Variants in NRXN3 observed in about 807,000 individuals in gnomAD.
NRXN3 encodes neurexin 3.
A neutral mutation model predicts 137.6 loss-of-function variants in NRXN3; 32 were observed. The observed-to-expected ratio is 0.23, with a 90% CI of 0.18 to 0.31. The LOEUF (loss-of-function observed/expected upper bound fraction) is 0.31, where lower values mean the gene tolerates loss of function less well. Ranked by LOEUF, NRXN3 falls within the 10% of genes least tolerant of loss-of-function variation. NRXN3 has a pLI of 1.00. For synonymous variants in NRXN3, 798 were observed against 784.5 expected, an observed-to-expected ratio of 1.02 and a Z score of -0.29; for missense variants, 1,574 against 2,062.5, an observed-to-expected ratio of 0.76 and a Z score of 4.59.
intron 8 of NRXN3, among the ~76,000 whole-genome samples, chr14:78,770,798 C>G (rs2098724723): frequency 6.6e-6 from 1 of 151,864 alleles, no homozygotes; most frequent in Non-Finnish European, 1.5e-5. Context: ...ATGATGGATA[C>G]AGGGGGATTA....
At chr14:79,330,129 C>T (rs2091470711) in intron 15 of NRXN3, among the ~76,000 whole-genome samples, 1 of 151,940 alleles carries the variant, frequency 6.6e-6, no homozygotes, top group Admixed American at 6.6e-5. Context: ...CGTGCCTCGC[C>T]CATCAAAAGA....
At chr14:78,287,458 T>C (rs886556296) in intron 3 of NRXN3, among the ~76,000 whole-genome samples, 13 of 152,240 alleles carry the variant, frequency 8.5e-5, no homozygotes, top group African/African-American at 2.7e-4. Flanking sequence ...TAGGTGCTCA[T>C]AAACCTGTGG....
At chr14:78,943,621 AATATATATATATATATAT>A (rs60429358) in intron 10 of NRXN3, among the ~76,000 whole-genome samples, 146 of 27,870 alleles carry the variant, frequency 5.2e-3, no homozygotes, top group East Asian at 7.7e-3. Context: ...AAAAAAAAAA[AATATATATATATATATAT>A]ATATATATAT....
intron 10 of NRXN3, among the ~76,000 whole-genome samples, chr14:78,846,082 A>C (rs750846042): frequency 6.6e-6 from 1 of 152,098 alleles, no homozygotes; most frequent in African/African-American, 2.4e-5. Context: ...CTTCAAGAAC[A>C]TCTGCTTCAG....
intron 6 of NRXN3, among the ~76,000 whole-genome samples, chr14:78,661,726 A>G (rs1052176991): frequency 1.3e-5 from 2 of 152,268 alleles, no homozygotes; most frequent in African/African-American, 4.8e-5. Context: ...CTCTACTCCC[A>G]GTAGCTGTAT....
intron 15 of NRXN3, among the ~76,000 whole-genome samples, chr14:79,418,904 C>A (rs906513117): frequency 6.6e-6 from 1 of 152,076 alleles, no homozygotes; most frequent in Non-Finnish European, 1.5e-5. Context: ...TTCACACTGC[C>A]GTCTGGGAAT....
chr14:78,585,029 G>A (rs1417087630), intron 4 of NRXN3, among the ~76,000 whole-genome samples: 1 of 151,786 alleles, frequency 6.6e-6, no homozygotes, highest in Non-Finnish European at 1.5e-5. Flanking sequence ...AGTTCTCATG[G>A]GGTTGATTTC....
chr14:78,233,875 A>G (rs186963160), intron 1 of NRXN3, among the ~76,000 whole-genome samples: 6 of 152,112 alleles, frequency 3.9e-5, no homozygotes, highest in Admixed American at 6.5e-5. Context: ...TACCCAGCCT[A>G]TTCTCCCTAA....
intron 6 of NRXN3, among the ~76,000 whole-genome samples, chr14:78,688,952 T>C (rs1429480714): frequency 6.6e-6 from 1 of 151,790 alleles, no homozygotes; most frequent in Admixed American, 6.6e-5. Flanking sequence ...TTGCAAGAGG[T>C]TTTTCTTCAC....
At chr14:79,496,228 C>T (rs925903399) in intron 16 of NRXN3, among the ~76,000 whole-genome samples, 4 of 144,460 alleles carry the variant, frequency 2.8e-5, no homozygotes, top group Non-Finnish European at 5.9e-5. Context: ...CTCTCTCTCT[C>T]TCTCTCTCTC....
chr14:78,871,842 G>T (rs545528012), intron 10 of NRXN3, among the ~76,000 whole-genome samples: 1 of 151,982 alleles, frequency 6.6e-6, no homozygotes, highest in Non-Finnish European at 1.5e-5. Context: ...TTTACCTGTT[G>T]TCCTTTGGCT....
chr14:79,179,407 A>G (rs2062688325), intron 15 of NRXN3, among the ~76,000 whole-genome samples: 1 of 152,156 alleles, frequency 6.6e-6, no homozygotes, highest in African/African-American at 2.4e-5. Context: ...ACTTGGAAAG[A>G]TATTATCATT....
intron 1 of NRXN3, among the ~76,000 whole-genome samples, chr14:78,223,641 A>C (rs1201947799): frequency 6.6e-6 from 1 of 152,148 alleles, no homozygotes; most frequent in Non-Finnish European, 1.5e-5. Context: ...TTGGTCCACT[A>C]TCCCCAGAGC....
intron 1 of NRXN3, among the ~76,000 whole-genome samples, chr14:78,201,950 G>A (rs369273032): frequency 4.7e-4 from 71 of 152,388 alleles, no homozygotes; most frequent in African/African-American, 1.5e-3. Flanking sequence ...CGCCAGGGCG[G>A]AAATTGGCTA....
At chr14:79,081,219 A>C (rs1488850360) in intron 15 of NRXN3, among the ~76,000 whole-genome samples, 1 of 152,226 alleles carries the variant, frequency 6.6e-6, no homozygotes, top group Non-Finnish European at 1.5e-5. Flanking sequence ...TACTAAAACC[A>C]AATGAATGAC....
intron 19 of NRXN3, among the ~76,000 whole-genome samples, chr14:79,761,684 CAAAAAAAAA>C (rs10599873): frequency 1.3e-5 from 1 of 78,906 alleles, no homozygotes; most frequent in Non-Finnish European, 2.4e-5. Flanking sequence ...GACTCTGTCT[CAAAAAAAAA>C]AAAAAAAAAA....
At chr14:79,376,265 T>TATAC (rs1566950685) in intron 15 of NRXN3, among the ~76,000 whole-genome samples, 22 of 72,670 alleles carry the variant, frequency 3.0e-4, no homozygotes, top group African/African-American at 7.0e-4. Flanking sequence ...TATATATATA[T>TATAC]ACACATACAT....
chr14:78,653,177 C>T (rs908319933), intron 6 of NRXN3, among the ~76,000 whole-genome samples: 3 of 152,152 alleles, frequency 2.0e-5, no homozygotes, highest in African/African-American at 7.2e-5. Flanking sequence ...CAGGATGTTA[C>T]CTAGGCTTCT....
chr14:79,790,745 C>T (rs111871152), intron 19 of NRXN3, among the ~76,000 whole-genome samples: 13 of 151,758 alleles, frequency 8.6e-5, no homozygotes, highest in South Asian at 6.2e-4. Context: ...CTCAGCCACC[C>T]GAGTATCTGG....
Sources: gnomAD v4.1 joint callset for allele counts (sites outside exome capture counted in the v4.1 genomes callset) on GRCh38, gnomAD v4.1.1 for gene constraint, MANE v1.5 for transcripts, NCBI Gene and HGNC (gene_info 2026-07-23, HGNC 2026-07-21) for gene names.